Variants in NEB observed in about 807,000 individuals in gnomAD.
NEB encodes nemaline myopathy type 2.
In NEB, 512 loss-of-function variants were observed where a neutral mutation model predicts 952.2. That is an observed-to-expected ratio of 0.54 (90% CI 0.50 to 0.58). The LOEUF is 0.58. Ranked by LOEUF, NEB falls within the 20% of genes least tolerant of loss-of-function variation. NEB has a pLI of 0.00. For missense variants in NEB, 8,428 were observed against 9,231.1 expected (o/e 0.91, Z 3.56); for synonymous variants, 2,900 against 3,149.8 (o/e 0.92, Z 2.66).
chr2:151,552,618 G>T, intron 128 of NEB, 54 bp downstream of exon 128: 1 of 1,286,870 alleles, frequency 7.8e-7, no homozygotes, highest in African/African-American at 1.5e-5. Flanking sequence ...ACCTCTGCTT[G>T]AGTGGTGGCC....
rs199934793 is a variant in NEB, at chr2:151,534,284, A to G, written c.21313-738T>C. 1 of 1,613,532 alleles carries G rather than the reference A, an allele frequency of 6.2e-7. No individual in the cohort carries two copies. The highest frequency in any genetic ancestry group is 8.5e-7 in the Non-Finnish European group (1 of 1,179,798). On this transcript the variant is annotated intron_variant, in intron 142 of 181. Coordinates refer to ENST00000397345, the MANE Select transcript of NEB (RefSeq NM_001164508.2). ...GCTCATCGACTACCAGGTGGTATTT[A>G]TCTTTCCGCTGCTCATAATCAGCTC... is the stretch of plus-strand genomic sequence containing the variant.
chr2:151,618,616 A>AC, intron 73 of NEB, 138 bp from the exon 74 acceptor site: 2 of 865,030 alleles, frequency 2.3e-6, no homozygotes. Flanking sequence ...TCACTCACGC[A>AC]CATTATTGAA....
At chr2:151,725,586 T>C (rs886667042) in intron 5 of NEB, 26 bp from the exon 6 acceptor site, 2 of 1,582,694 alleles carry the variant, frequency 1.3e-6, no homozygotes, top group Non-Finnish European at 1.7e-6. Context: ...GATATTAGCC[T>C]AACAAGACAG....
chr2:151,497,978 C>A, intron 170 of NEB: 1 of 1,435,248 alleles, frequency 7.0e-7, no homozygotes, highest in Non-Finnish European at 9.1e-7. Context: ...TACGGTGCCT[C>A]CTAAACAATC....
In NEB at chr2:151,516,363, A is replaced by G; in HGVS notation, c.22905+96T>C. ...ATGATAAAAAGTTTCATCAGCTACC[A>G]CTTTTGGATGACAGGAAACTGGCCA... On this transcript the variant is annotated intron_variant, in intron 157 of 181. Transcript: ENST00000397345. 4.1e-6 allele frequency: 3 copies of G among 740,558 alleles called. No individual in the cohort carries two copies. The South Asian group carries it at 6.2e-5, about 15-fold the overall frequency. The allele number at this position is 740,558 out of a possible 1,614,324, so 45.9% of individuals were successfully genotyped here.
chr2:151,551,721 A>G lies in NEB; in HGVS notation c.19944+17T>C, dbSNP rs758228050. 1 of 1,600,024 alleles carries G rather than the reference A, an allele frequency of 6.2e-7. No individual in the cohort carries two copies. The highest frequency in any genetic ancestry group is 8.6e-7 in the Non-Finnish European group (1 of 1,167,780). On this transcript the variant is annotated intron_variant, in intron 129 of 181. Coordinates refer to ENST00000397345, the MANE Select transcript of NEB (RefSeq NM_001164508.2). ...GAACGGATTTCTGCTGGGCACTCTCAAGTTCTCACTGCTCACCGAACTCTG... is the reference window on the plus strand; with the variant it reads ...GAACGGATTTCTGCTGGGCACTCTCGAGTTCTCACTGCTCACCGAACTCTG...
intron 38 of NEB, among the ~76,000 whole-genome samples, chr2:151,670,007 G>A (rs1051457413): frequency 6.6e-6 from 1 of 152,166 alleles, no homozygotes; most frequent in Non-Finnish European, 1.5e-5. Flanking sequence ...AACCGTGACT[G>A]CCAAGTTTCC....
rs2153022914 is a variant in NEB, at chr2:151,499,385, C to T, written c.24027G>A (p.Leu8009=). ...KLNQENFSSV[L]YKENVGKGIP... ...TCCCTTTTCCAACGTTTTCTTTATA[C>T]AACACCTGTATGACACAAGAAAGCA... Residue 8009 remains leucine (L), a synonymous_variant, in exon 169 of 182, where the codon TTG becomes TTA. Transcript: ENST00000397345. The T allele has an allele frequency of 6.5e-7, 1 of 1,528,562 alleles. No homozygotes were observed. The highest frequency in any genetic ancestry group is 1.2e-5 in the South Asian group (1 of 83,558). 94.7% of individuals were successfully genotyped at this position (1,528,562 alleles called of 1,614,324 possible). A position where few individuals can be genotyped will look rare whatever the true frequency, so the allele number is the denominator to read the frequency against.
At chr2:151,513,096 A>T (rs2075666770) in intron 160 of NEB, among the ~76,000 whole-genome samples, 1 of 152,192 alleles carries the variant, frequency 6.6e-6, no homozygotes, top group Non-Finnish European at 1.5e-5. Context: ...TCATCAACAG[A>T]TAGTAAGGCA....
Position 151,527,647 on chromosome 2 carries a change from CAT to C in NEB, c.21736-64_21736-63del, listed in dbSNP as rs1341817696. On this transcript the variant is annotated intron_variant, in intron 146 of 181. Transcript: ENST00000397345. The stretch of plus-strand genomic sequence containing the variant: ...AGTAGGCTAAATTCATAAACACACA[CAT>C]GGCACAGAGGGGCTCTTGCATTTCA... 5.8e-6 allele frequency: 7 copies of C among 1,216,052 alleles called. No homozygotes were observed. In the East Asian group the frequency reaches 1.7e-4, roughly 30 times the overall value. 75.3% of individuals were successfully genotyped at this position (1,216,052 alleles called of 1,614,324 possible).
Position 151,490,355 on chromosome 2 carries a change from G to A in NEB, c.25297+17C>T. The A allele has an allele frequency of 2.5e-6, 4 of 1,583,014 alleles. No homozygotes were observed. Among genetic ancestry groups the A allele is most frequent in the Non-Finnish European group, 3.4e-6 (4 of 1,163,212 alleles). On this transcript the variant is annotated intron_variant, in intron 180 of 181. Coordinates refer to ENST00000397345, the MANE Select transcript of NEB (RefSeq NM_001164508.2). ...TGGCCGGGTGGGACTGCCAAAATCA[G>A]CGCCAGGCACTTGTACCTGTTGAGA...
Position 151,561,128 on chromosome 2 carries a change from G to A in NEB, c.19102-20C>T, listed in dbSNP as rs1299007341. On this transcript the variant is annotated intron_variant, in intron 122 of 181. Coordinates refer to ENST00000397345, the MANE Select transcript of NEB (RefSeq NM_001164508.2). ...TTTTACCTGTAGACAAGCAACAATAGGTTATTCACCTCTGTTGTTAGAAAA... is the reference window on the plus strand; with the variant it reads ...TTTTACCTGTAGACAAGCAACAATAAGTTATTCACCTCTGTTGTTAGAAAA... 6.4e-7 allele frequency: 1 copy of A among 1,564,914 alleles called. No individual in the cohort carries two copies. Among genetic ancestry groups the A allele is most frequent in the Non-Finnish European group, 8.8e-7 (1 of 1,140,528 alleles).
intron 1 of NEB, 133 bp downstream of exon 1, chr2:151,734,265 G>T (rs1199631974): frequency 6.6e-6 from 1 of 152,136 alleles, no homozygotes; most frequent in Non-Finnish European, 1.5e-5. Context: ...GGGCAATGGG[G>T]TTAAACTCTC....
intron 13 of NEB, among the ~76,000 whole-genome samples, chr2:151,697,995 G>T (rs2099608883): frequency 1.3e-5 from 2 of 152,202 alleles, no homozygotes; most frequent in African/African-American, 4.8e-5. Flanking sequence ...GAACCCGGGA[G>T]GCGGAGGTTG....
chr2:151,488,815 C>T (rs1048283725), intron 181 of NEB, among the ~76,000 whole-genome samples: 3 of 152,064 alleles, frequency 2.0e-5, no homozygotes, highest in Admixed American at 1.3e-4. Context: ...AAATAACTTA[C>T]CCCTTTCTTG....
intron 77 of NEB, among the ~76,000 whole-genome samples, chr2:151,613,809 C>A (rs2098108048): frequency 6.6e-6 from 1 of 152,174 alleles, no homozygotes; most frequent in Non-Finnish European, 1.5e-5. Flanking sequence ...GTGCCTGCTT[C>A]CCCTTCACCT....
Position 151,540,403 on chromosome 2 carries a change from G to A in NEB, c.20833C>T (p.Pro6945Ser), listed in dbSNP as rs2093883772. 2.5e-6 allele frequency: 4 copies of A among 1,582,566 alleles called. No individual in the cohort carries two copies. Among genetic ancestry groups the A allele is most frequent in the African/African-American group, 2.7e-5 (2 of 74,500 alleles). ...QYEKMKDKYT[P>S]VPDTPILIRA... is the part of the protein sequence containing the mutation. Reference sequence around the variant, plus strand: ...ATGAGGATTGGCGTATCTGGAACCGGAGTGTACTTGTCTTTCATCTTTTCA... The same window carrying A: ...ATGAGGATTGGCGTATCTGGAACCGAAGTGTACTTGTCTTTCATCTTTTCA... Residue 6945 changes from proline (P) to serine (S), a missense_variant, in exon 138 of 182, where the codon CCG (proline) becomes TCG (serine). By Grantham distance (74) the Pro-to-Ser change is moderately conservative. Around this residue, in one of 11 missense-constraint regions of NEB, gnomAD observed 3,374 missense variants for 3,651.5 expected, o/e 0.92. Transcript: ENST00000397345.
At chr2:151,707,488 G>T (rs887088464) in intron 12 of NEB, among the ~76,000 whole-genome samples, 2 of 150,496 alleles carry the variant, frequency 1.3e-5, no homozygotes, top group Non-Finnish European at 3.0e-5. Context: ...ACTGTGCATG[G>T]AGCACACATG....
At chr2:151,668,795 C>T (rs377295890) in intron 39 of NEB, among the ~76,000 whole-genome samples, 2 of 152,034 alleles carry the variant, frequency 1.3e-5, no homozygotes, top group South Asian at 4.1e-4. Context: ...ACACAACTTA[C>T]TTGACTGACT....
Sources: allele counts gnomAD v4.1 joint callset (sites outside exome capture counted in the v4.1 genomes callset), GRCh38; gene constraint gnomAD v4.1.1; regional missense constraint gnomAD v4.1.1; transcripts MANE v1.5; gene names NCBI Gene and HGNC (gene_info 2026-07-23, HGNC 2026-07-21).